The following PCDHGB3 variants were observed in gnomAD, a reference collection of about 807,000 sequenced individuals.
The protein encoded by PCDHGB3 is protocadherin gamma subfamily B, 3.
Under a neutral mutation model 59.2 loss-of-function variants are expected in PCDHGB3, and 40 were observed. That is an observed-to-expected ratio of 0.68 (90% CI 0.52 to 0.88). The LOEUF (loss-of-function observed/expected upper bound fraction) is 0.88. Ranked by LOEUF, PCDHGB3 falls within the 40% of genes least tolerant of loss-of-function variation. The probability of loss-of-function intolerance (pLI) is 0.00; values close to 1 mark genes in which losing one functional copy is unlikely to be tolerated. For synonymous variants in PCDHGB3, 581 were observed against 503.6 expected, an observed-to-expected ratio of 1.15 and a Z score of -2.06; for missense variants, 1,309 against 1,187.9, an observed-to-expected ratio of 1.10 and a Z score of -1.50.
intron 1 of PCDHGB3, among the ~76,000 whole-genome samples, chr5:141,470,011 C>T (rs2099218489): frequency 6.6e-6 from 1 of 152,144 alleles, no homozygotes; most frequent in Non-Finnish European, 1.5e-5. Context: ...CGCCTGTAAT[C>T]CCAGCTACTC....
rs148279287 is a variant in PCDHGB3 at position 141,389,277 on chromosome 5, C to T, written c.2415+16468C>T. ...AGTCCACGTGGCCGAGAACAACCCG[C>T]CTGGAGCCTCTATTTCACAAGTCAG... On this transcript the variant is annotated intron_variant, in intron 1 of 3. Transcript: ENST00000576222. 7,343 of 1,614,014 alleles carry T rather than the reference C, an allele frequency of 4.5e-3. 34 individuals are homozygous for T. Among genetic ancestry groups the T allele is most frequent in the Middle Eastern group, 0.015 (93 of 6,062 alleles).
chr5:141,383,036 G>A, intron 1 of PCDHGB3: 1 of 1,613,876 alleles, frequency 6.2e-7, no homozygotes, highest in Non-Finnish European at 8.5e-7. Flanking sequence ...TCCTTTGTGG[G>A]AGACATCGCC....
intron 1 of PCDHGB3, chr5:141,399,111 A>G (rs1561667842): frequency 1.9e-6 from 3 of 1,613,732 alleles, no homozygotes; most frequent in East Asian, 2.2e-5. Context: ...CACAATGTAC[A>G]GTTGAAATTA....
intron 1 of PCDHGB3, chr5:141,384,327 A>G (rs750339599): frequency 2.7e-5 from 43 of 1,613,860 alleles, no homozygotes; most frequent in Non-Finnish European, 3.1e-5. Flanking sequence ...TAGTGACTGC[A>G]CAGGACCACG....
intron 1 of PCDHGB3, chr5:141,409,662 TCTC>T (rs1473145245): frequency 2.5e-6 from 4 of 1,613,562 alleles, no homozygotes; most frequent in Admixed American, 1.7e-5. Context: ...AATGGCCACA[TCTC>T]CTACTCTATA....
chr5:141,388,619 C>A (rs369637121), intron 1 of PCDHGB3: 1 of 1,613,852 alleles, frequency 6.2e-7, no homozygotes, highest in Admixed American at 1.7e-5. Flanking sequence ...TCAGTCAAGA[C>A]GTATACAGGG....
chr5:141,417,766 C>T (rs564920153), intron 1 of PCDHGB3: 7 of 1,442,472 alleles, frequency 4.9e-6, no homozygotes, highest in African/African-American at 4.3e-5. Context: ...AGACCCGGGA[C>T]TCCTCCTGTC....
chr5:141,403,068 C>T, intron 1 of PCDHGB3: 1 of 1,614,064 alleles, frequency 6.2e-7, no homozygotes, highest in South Asian at 1.1e-5. Flanking sequence ...CCTGAAGAGA[C>T]AGAAAAGGGC....
chr5:141,374,226 T>C (rs1770289818), intron 1 of PCDHGB3: 1 of 1,613,964 alleles, frequency 6.2e-7, no homozygotes, highest in Non-Finnish European at 8.5e-7. Context: ...GTAGGCAACA[T>C]CGTCAAGGAT....
chr5:141,411,544 AC>A (rs2095497010), intron 1 of PCDHGB3: 1 of 152,298 alleles, frequency 6.6e-6, no homozygotes. Context: ...TGATCTTGCC[AC>A]TGCACTCCAG....
chr5:141,506,415 C>T lies in PCDHGB3; in HGVS notation c.2563+934C>T, dbSNP rs2099853185. 2.0e-5 allele frequency among the ~76,000 whole-genome samples: 3 copies of T among 148,290 alleles called. No homozygotes were observed. The South Asian group carries it at 6.4e-4, about 32-fold the overall frequency. On this transcript the variant is annotated intron_variant, in intron 3 of 3. Coordinates refer to ENST00000576222, the MANE Select transcript of PCDHGB3 (RefSeq NM_018924.5). ...GAGCAGAAAATCGCACCACTGCACT[C>T]CAGCCTGGGCAACAGTCTCGCTCTG...
intron 1 of PCDHGB3, among the ~76,000 whole-genome samples, chr5:141,425,967 G>A (rs1021171082): frequency 2.0e-5 from 3 of 152,214 alleles, no homozygotes; most frequent in Non-Finnish European, 4.4e-5. Flanking sequence ...CAACACATCA[G>A]TCTAATTCTG....
intron 2 of PCDHGB3, among the ~76,000 whole-genome samples, chr5:141,503,010 A>T (rs1595838084): frequency 6.8e-6 from 1 of 146,772 alleles, no homozygotes; most frequent in East Asian, 2.0e-4. Context: ...TGCCCGGTTA[A>T]TTTTTTTTTT....
At chr5:141,438,053 C>T (rs1023159995) in intron 1 of PCDHGB3, among the ~76,000 whole-genome samples, 2 of 152,112 alleles carry the variant, frequency 1.3e-5, no homozygotes, top group African/African-American at 4.8e-5. Context: ...TTTGAGTTCA[C>T]TTTTAAGAAA....
rs773899530 is a variant in PCDHGB3 at position 141,494,864 on chromosome 5, G to A, written c.2473G>A (p.Gly825Ser). 1.6e-5 allele frequency: 26 copies of A among 1,613,950 alleles called. No individual in the cohort carries two copies. The Admixed American group carries it at 3.5e-4, about 22-fold the overall frequency. Reference protein sequence around the residue: ...FSQAQRPGTSGSQNGDDTGTW... With the variant: ...FSQAQRPGTSSSQNGDDTGTW... ...TCAGGCCCAGAGACCCGGCACCAGC[G>A]GGTAGGTGACTGATTCTCCAGCCCA... Residue 825 changes from glycine to serine, a missense_variant and splice_region_variant, in exon 2 of 4, where the codon GGC (glycine) becomes AGC (serine). Gly to Ser is a moderately conservative substitution (Grantham distance 56, BLOSUM62 0). Coordinates refer to ENST00000576222, the MANE Select transcript of PCDHGB3 (RefSeq NM_018924.5).
chr5:141,476,553 A>G lies in PCDHGB3; in HGVS notation c.2416-18254A>G. On this transcript the variant is annotated intron_variant, in intron 1 of 3. Coordinates refer to ENST00000576222, the MANE Select transcript of PCDHGB3 (RefSeq NM_018924.5). The surrounding 1 kb of genome is among the most constrained non-coding windows in gnomAD (Gnocchi z 7.6). ...CAGGAAATGAAATTGGAGATTAGCG[A>G]GGCCGTGGCTCCGGGGACGCGCTTT... The G allele has an allele frequency of 1.2e-6, 2 of 1,614,226 alleles. No homozygotes were observed. The highest frequency in any genetic ancestry group is 1.7e-6 in the Non-Finnish European group (2 of 1,180,040).
At chr5:141,500,568 T>C (rs1562196424) in intron 2 of PCDHGB3, among the ~76,000 whole-genome samples, 2 of 152,190 alleles carry the variant, frequency 1.3e-5, no homozygotes, top group Admixed American at 6.5e-5. Context: ...CTTGTCACAC[T>C]TTCATGTGAC....
Position 141,433,407 on chromosome 5 carries a change from T to C in PCDHGB3, c.2415+60598T>C, listed in dbSNP as rs939103465. Among the ~76,000 whole-genome samples, 537 of 125,956 alleles carry C rather than the reference T, an allele frequency of 4.3e-3. 4 individuals carry two copies. Among genetic ancestry groups the C allele is most frequent in the African/African-American group, 0.016 (523 of 33,156 alleles). The allele number at this position is 125,956 out of a possible 152,430, so 82.6% of individuals were successfully genotyped here. On this transcript the variant is annotated intron_variant, in intron 1 of 3. Coordinates refer to ENST00000576222, the MANE Select transcript of PCDHGB3 (RefSeq NM_018924.5). ...TCTATCTATCTATCTATCTATCTATTACTTTCTTGTACAGACAGGAGTCTC... is the reference window on the plus strand; with the variant it reads ...TCTATCTATCTATCTATCTATCTATCACTTTCTTGTACAGACAGGAGTCTC...
intron 1 of PCDHGB3, chr5:141,408,105 G>T (rs566753835): frequency 2.6e-5 from 37 of 1,439,788 alleles, no homozygotes; most frequent in Non-Finnish European, 3.2e-5. Flanking sequence ...TCCGAGACCC[G>T]GGACTCCTCC....
Sources: allele counts gnomAD v4.1 joint callset (sites outside exome capture counted in the v4.1 genomes callset), GRCh38; gene constraint gnomAD v4.1.1; non-coding constraint Gnocchi (gnomAD v3.1); transcripts MANE v1.5; gene names NCBI Gene and HGNC (gene_info 2026-07-23, HGNC 2026-07-21).